ENAH: variants seen among roughly 807,000 people sequenced by gnomAD.
ENAH encodes ENAH actin regulator.
In ENAH, 23 loss-of-function variants were observed where a neutral mutation model predicts 78.7. The ratio of observed to expected loss-of-function variants is 0.29; its 90% confidence interval spans 0.21 to 0.41. The LOEUF is 0.41. ENAH is among the 10% of genes least tolerant of loss of function. The pLI is 1.00. For synonymous variants in ENAH, 226 were observed against 241.0 expected (o/e 0.94, Z 0.58); for missense variants, 544 against 691.0 (o/e 0.79, Z 2.39).
Position 225,493,513 on chromosome 1 carries a change from T to C in ENAH, c.*4262A>G, listed in dbSNP as rs1262333741. On this transcript the variant is annotated 3_prime_UTR_variant, in exon 14 of 14. Coordinates refer to ENST00000366843, the MANE Select transcript of ENAH (RefSeq NM_018212.6). ...AGGCAGAGGTATTAAACATCAGTAA[T>C]TTCAATATACTAGGATCCTTTTCTC... 1 of 152,200 alleles carries C rather than the reference T, an allele frequency of 6.6e-6. No homozygotes were observed. The highest frequency in any genetic ancestry group is 1.5e-5 in the Non-Finnish European group (1 of 68,026). The allele number at this position is 152,200 out of a possible 1,614,324, so 9.4% of individuals were successfully genotyped here.
chr1:225,634,263 T>C (rs1026210854), intron 1 of ENAH, among the ~76,000 whole-genome samples: 1 of 152,216 alleles, frequency 6.6e-6, no homozygotes, highest in Non-Finnish European at 1.5e-5. Context: ...TGCCACCTCA[T>C]CTCACTTAAA....
chr1:225,643,851 C>T (rs535226424), intron 1 of ENAH, among the ~76,000 whole-genome samples: 65 of 152,168 alleles, frequency 4.3e-4, no homozygotes, highest in African/African-American at 1.3e-3. Flanking sequence ...ATGGGAGGAT[C>T]GCTTGAGCCC....
intron 2 of ENAH, among the ~76,000 whole-genome samples, chr1:225,565,518 A>G (rs1041694072): frequency 6.6e-6 from 1 of 152,182 alleles, no homozygotes; most frequent in African/African-American, 2.4e-5. Context: ...ATTGTTCATC[A>G]GTACTTTCAA....
At chr1:225,533,900 C>A (rs912701191) in intron 3 of ENAH, among the ~76,000 whole-genome samples, 1 of 152,050 alleles carries the variant, frequency 6.6e-6, no homozygotes, top group Non-Finnish European at 1.5e-5. Flanking sequence ...ATACACAATA[C>A]AATCAAGTTT....
intron 1 of ENAH, among the ~76,000 whole-genome samples, chr1:225,584,285 TG>T (rs201809849): frequency 2.0e-5 from 3 of 152,122 alleles, no homozygotes; most frequent in Admixed American, 6.5e-5. Flanking sequence ...CAAAACAAAC[TG>T]GGGGGAACAA....
At chr1:225,609,310 A>G (rs2096974735) in intron 1 of ENAH, among the ~76,000 whole-genome samples, 1 of 152,182 alleles carries the variant, frequency 6.6e-6, no homozygotes, top group African/African-American at 2.4e-5. Context: ...ACAAAGATTC[A>G]TTAAATCCAG....
chr1:225,497,665 C>T lies in ENAH; in HGVS notation c.*110G>A, dbSNP rs2096256002. On this transcript the variant is annotated 3_prime_UTR_variant, in exon 14 of 14. Coordinates refer to ENST00000366843, the MANE Select transcript of ENAH (RefSeq NM_018212.6). ...GTTTTTCCCTCCTTCTGTTTGTCTCCATTTTCTTCTTACAGCTCATAAATG... is the reference window on the plus strand; with the variant it reads ...GTTTTTCCCTCCTTCTGTTTGTCTCTATTTTCTTCTTACAGCTCATAAATG... 6.4e-6 allele frequency: 7 copies of T among 1,099,372 alleles called. No homozygotes were observed. The highest frequency in any genetic ancestry group is 3.1e-4 in the Middle Eastern group (1 of 3,180). 68.1% of individuals were successfully genotyped at this position (1,099,372 alleles called of 1,614,324 possible). A position where few individuals can be genotyped will look rare whatever the true frequency, so the allele number is the denominator to read the frequency against.
At chr1:225,631,116 A>T (rs961558880) in intron 1 of ENAH, among the ~76,000 whole-genome samples, 1 of 152,228 alleles carries the variant, frequency 6.6e-6, no homozygotes, top group Non-Finnish European at 1.5e-5. Flanking sequence ...CAAAATGAGC[A>T]TGTGGTGAAA....
chr1:225,559,918 C>T (rs2096691604), intron 2 of ENAH, among the ~76,000 whole-genome samples: 1 of 152,182 alleles, frequency 6.6e-6, no homozygotes, highest in Non-Finnish European at 1.5e-5. Context: ...GCAAAAGACT[C>T]ATCTGTCATC....
At chr1:225,558,482 A>C (rs2096680026) in intron 2 of ENAH, among the ~76,000 whole-genome samples, 1 of 152,138 alleles carries the variant, frequency 6.6e-6, no homozygotes, top group Admixed American at 6.6e-5. Context: ...TTAATCACTT[A>C]AATGTCTGTA....
intron 3 of ENAH, among the ~76,000 whole-genome samples, chr1:225,548,743 G>C (rs1357348392): frequency 1.3e-5 from 2 of 152,170 alleles, no homozygotes; most frequent in Non-Finnish European, 2.9e-5. Context: ...GGAGGACTGT[G>C]AGAGGTAAGT....
intron 4 of ENAH, among the ~76,000 whole-genome samples, chr1:225,527,385 C>A (rs1399685081): frequency 6.6e-6 from 1 of 152,132 alleles, no homozygotes; most frequent in Admixed American, 6.6e-5. Flanking sequence ...AATATAATTT[C>A]TACTGGGAAC....
intron 3 of ENAH, among the ~76,000 whole-genome samples, chr1:225,544,761 GTATT>G (rs1296879284): frequency 6.6e-6 from 1 of 152,086 alleles, no homozygotes; most frequent in African/African-American, 2.4e-5. Context: ...ATATTAAAAT[GTATT>G]TATTGTAATT....
intron 1 of ENAH, among the ~76,000 whole-genome samples, chr1:225,625,037 AATTCCAGTGTCCCT>A (rs145012816): frequency 0.017 from 2,541 of 152,310 alleles, 26 homozygotes; most frequent in Non-Finnish European, 0.025. Flanking sequence ...AGATGTTCGG[AATTCCAGTGTCCCT>A]ATTCTCACAC....
At chr1:225,548,957 C>T (rs1282484653) in intron 3 of ENAH, among the ~76,000 whole-genome samples, 1 of 151,042 alleles carries the variant, frequency 6.6e-6, no homozygotes. Context: ...TCAAGCAATT[C>T]TCCTGCATCG....
At chr1:225,526,338 CTTTTT>C (rs34197889) in intron 4 of ENAH, among the ~76,000 whole-genome samples, 1 of 143,784 alleles carries the variant, frequency 7.0e-6, no homozygotes, top group Admixed American at 7.0e-5. Context: ...CTCTCTCTCT[CTTTTT>C]TTTTTTTTTC....
At chr1:225,560,792 T>C (rs1162777618) in intron 2 of ENAH, among the ~76,000 whole-genome samples, 1 of 152,252 alleles carries the variant, frequency 6.6e-6, no homozygotes, top group Non-Finnish European at 1.5e-5. Flanking sequence ...ATATCCCTGC[T>C]TGGCAAACAG....
At chr1:225,611,746 C>T (rs1427794996) in intron 1 of ENAH, among the ~76,000 whole-genome samples, 1 of 152,130 alleles carries the variant, frequency 6.6e-6, no homozygotes, top group Non-Finnish European at 1.5e-5. Context: ...GTGTTCACAC[C>T]ACTGCACTCC....
At chr1:225,499,322 T>C (rs907315786) in intron 12 of ENAH, among the ~76,000 whole-genome samples, 1 of 151,784 alleles carries the variant, frequency 6.6e-6, no homozygotes, top group African/African-American at 2.4e-5. Flanking sequence ...TTAAAATATA[T>C]ACGTAGCCCA....
Sources: gnomAD v4.1 joint callset for allele counts (sites outside exome capture counted in the v4.1 genomes callset) on GRCh38, gnomAD v4.1.1 for gene constraint, MANE v1.5 for transcripts, NCBI Gene and HGNC (gene_info 2026-07-23, HGNC 2026-07-21) for gene names.